Variants in RBFOX1 observed in about 807,000 individuals in gnomAD.
RBFOX1 encodes the protein RNA binding protein fox-1 homolog 1.
Under a neutral mutation model 57.7 loss-of-function variants are expected in RBFOX1, and 8 were observed. The ratio of observed to expected loss-of-function variants is 0.14; its 90% CI spans 0.08 to 0.25. The LOEUF (loss-of-function observed/expected upper bound fraction) is 0.25, where lower values mean the gene tolerates loss of function less well. RBFOX1 is among the 10% of genes least tolerant of loss of function. RBFOX1 has a pLI of 1.00. For missense variants in RBFOX1, 611 were observed against 548.5 expected (o/e 1.11, Z -1.14); for synonymous variants, 326 against 222.4 (o/e 1.47, Z -4.15).
intron 4 of RBFOX1, among the ~76,000 whole-genome samples, chr16:7,500,407 G>A (rs1206144981): frequency 6.6e-6 from 1 of 152,172 alleles, no homozygotes; most frequent in African/African-American, 2.4e-5. Context: ...GTTCTGATGA[G>A]AGGTCTAGCC....
chr16:6,827,758 T>G (rs887554208), intron 3 of RBFOX1, among the ~76,000 whole-genome samples: 1 of 152,176 alleles, frequency 6.6e-6, no homozygotes, highest in Non-Finnish European at 1.5e-5. Flanking sequence ...GTCACCTCCA[T>G]CACTCTTACC....
intron 4 of RBFOX1, among the ~76,000 whole-genome samples, chr16:7,517,694 C>G (rs1249071728): frequency 6.6e-6 from 1 of 152,056 alleles, no homozygotes; most frequent in South Asian, 2.1e-4. Context: ...ATTGTCTCTC[C>G]TCTCAAGAAC....
intron 4 of RBFOX1, among the ~76,000 whole-genome samples, chr16:5,902,598 T>C (rs1333339958): frequency 6.6e-6 from 1 of 152,000 alleles, no homozygotes; most frequent in African/African-American, 2.4e-5. Flanking sequence ...TTATTTTTAG[T>C]AGAGACAGGA....
At chr16:6,492,123 T>TGG (rs1377761847) in intron 2 of RBFOX1, among the ~76,000 whole-genome samples, 2 of 151,774 alleles carry the variant, frequency 1.3e-5, no homozygotes, top group Admixed American at 1.3e-4. Flanking sequence ...TGAAAGTGTG[T>TGG]GTGTGTGTGC....
intron 1 of RBFOX1, among the ~76,000 whole-genome samples, chr16:5,325,062 TA>T (rs1401985029): frequency 6.6e-6 from 1 of 152,138 alleles, no homozygotes; most frequent in Non-Finnish European, 1.5e-5. Flanking sequence ...CATGAGCCGC[TA>T]AACTTAAAAG....
intron 2 of RBFOX1, among the ~76,000 whole-genome samples, chr16:6,442,189 A>C (rs1045024672): frequency 2.6e-5 from 4 of 152,204 alleles, no homozygotes; most frequent in Non-Finnish European, 4.4e-5. Flanking sequence ...GTAGCTTCTC[A>C]GAAAAATTCC....
At chr16:7,503,490 A>G (rs762971093) in intron 4 of RBFOX1, among the ~76,000 whole-genome samples, 2 of 152,214 alleles carry the variant, frequency 1.3e-5, no homozygotes, top group African/African-American at 2.4e-5. Context: ...AAGGGGACAG[A>G]ATCCATCCTT....
intron 11 of RBFOX1, among the ~76,000 whole-genome samples, chr16:7,640,309 C>T (rs1438227005): frequency 6.6e-6 from 1 of 152,200 alleles, no homozygotes; most frequent in Non-Finnish European, 1.5e-5. Flanking sequence ...AAGAGGCAGC[C>T]ACATTTCAGG....
At chr16:7,669,886 G>A (rs1435701871) in intron 13 of RBFOX1, among the ~76,000 whole-genome samples, 3 of 152,152 alleles carry the variant, frequency 2.0e-5, no homozygotes, top group Non-Finnish European at 4.4e-5. Flanking sequence ...CACCATAGTG[G>A]AGACCTCAGT....
chr16:7,387,318 A>G (rs2097901210), intron 4 of RBFOX1, among the ~76,000 whole-genome samples: 1 of 152,200 alleles, frequency 6.6e-6, no homozygotes, highest in Non-Finnish European at 1.5e-5. Context: ...TTTATAGATA[A>G]GAAAACTGAG....
intron 3 of RBFOX1, among the ~76,000 whole-genome samples, chr16:5,607,548 G>A (rs550527345): frequency 2.0e-5 from 3 of 152,264 alleles, no homozygotes; most frequent in Admixed American, 6.5e-5. Flanking sequence ...ATTGAACTAC[G>A]GATGGGGAGT....
intron 3 of RBFOX1, among the ~76,000 whole-genome samples, chr16:6,874,237 A>T (rs983823768): frequency 1.1e-4 from 17 of 152,106 alleles, no homozygotes; most frequent in Non-Finnish European, 2.2e-4. Flanking sequence ...AGGTCAGGCA[A>T]AGTGGTTCAC....
intron 5 of RBFOX1, among the ~76,000 whole-genome samples, chr16:7,545,890 CT>C (rs1171499867): frequency 6.6e-6 from 1 of 151,940 alleles, no homozygotes; most frequent in African/African-American, 2.4e-5. Flanking sequence ...AATGCTGGTC[CT>C]GCCTACCTGA....
At chr16:5,374,196 C>T (rs1000318243) in intron 1 of RBFOX1, among the ~76,000 whole-genome samples, 3 of 152,240 alleles carry the variant, frequency 2.0e-5, no homozygotes, top group Non-Finnish European at 4.4e-5. Context: ...CCTCGGCCTT[C>T]CAAAGTGCTG....
At position 6,683,472 on chromosome 16, in the gene RBFOX1, C is replaced by T. The variant is rs79956585; in HGVS notation, c.-16+28822C>T. On this transcript the variant is annotated intron_variant, in intron 3 of 15. Coordinates refer to ENST00000550418, the MANE Select transcript of RBFOX1 (RefSeq NM_018723.4). The stretch of plus-strand genomic sequence containing the variant: ...TCAAATGGTTTAGGAGAAAAAAATA[C>T]CTGTAATATATACATGCATCCAAAA... Among the ~76,000 whole-genome samples, 831 of 152,160 alleles carry T rather than the reference C, an allele frequency of 5.5e-3. 11 individuals are homozygous for T. Among genetic ancestry groups the T allele is most frequent in the African/African-American group, 0.019 (799 of 41,502 alleles).
At chr16:6,647,458 C>T (rs1273876237) in intron 2 of RBFOX1, among the ~76,000 whole-genome samples, 1 of 152,058 alleles carries the variant, frequency 6.6e-6, no homozygotes, top group African/African-American at 2.4e-5. Flanking sequence ...TTGTTGGCCA[C>T]GTTGGTCTTG....
intron 2 of RBFOX1, among the ~76,000 whole-genome samples, chr16:5,583,203 T>A (rs929505554): frequency 6.6e-6 from 1 of 152,178 alleles, no homozygotes; most frequent in African/African-American, 2.4e-5. Context: ...CCTGTGAACA[T>A]CCATTCATGT....
chr16:5,563,061 T>G (rs375079654), intron 2 of RBFOX1, among the ~76,000 whole-genome samples: 2 of 152,320 alleles, frequency 1.3e-5, no homozygotes, highest in South Asian at 2.1e-4. Context: ...GTGATTGTTC[T>G]GCTTCAGCCT....
At chr16:5,649,858 G>A (rs1009412135) in intron 3 of RBFOX1, among the ~76,000 whole-genome samples, 12 of 152,178 alleles carry the variant, frequency 7.9e-5, no homozygotes, top group African/African-American at 2.9e-4. Flanking sequence ...CCCTTGAGCT[G>A]AGCTTGTTAG....
Sources: allele counts gnomAD v4.1 joint callset (sites outside exome capture counted in the v4.1 genomes callset), GRCh38; gene constraint gnomAD v4.1.1; transcripts MANE v1.5; gene names NCBI Gene and HGNC (gene_info 2026-07-23, HGNC 2026-07-21).